Variants in CWF19L2 observed in about 807,000 individuals in gnomAD.
CWF19L2 encodes CWF19-like protein 2.
Under a neutral mutation model 111.7 loss-of-function variants are expected in CWF19L2, and 98 were observed. That is an observed-to-expected ratio of 0.88 (90% CI 0.75 to 1.04). The LOEUF (loss-of-function observed/expected upper bound fraction) is 1.04. CWF19L2 is among the 50% of genes least tolerant of loss of function. The pLI is 0.00. For missense variants in CWF19L2, 1,101 were observed against 1,051.4 expected, an observed-to-expected ratio of 1.05 and a Z score of -0.65; for synonymous variants, 351 against 342.9, an observed-to-expected ratio of 1.02 and a Z score of -0.26.
rs745441606 is a variant in CWF19L2 at position 107,429,349 on chromosome 11, T to C, written c.883A>G (p.Lys295Glu). 2 of 1,603,838 alleles carry C rather than the reference T, an allele frequency of 1.2e-6. No homozygotes were observed. The highest frequency in any genetic ancestry group is 1.1e-5 in the South Asian group (1 of 90,146). The change falls in exon 8 of 18, where the codon AAA becomes GAA. Residue 295 changes from lysine (K) to glutamate (E), a missense_variant. Physicochemically the swap from Lys to Glu is moderately conservative, Grantham distance 56. Transcript: ENST00000282251. ...ERWRKPTYSD[K>E]AQNCQESRES... is the part of the protein sequence containing the mutation. The stretch of plus-strand genomic sequence containing the variant: ...CTACTTTCTTGACAATTTTGTGCTT[T>C]ATCTGAATATGTGGGTTTCCTCCAC...
chr11:107,398,150 C>T (rs577847060), intron 10 of CWF19L2, among the ~76,000 whole-genome samples: 2 of 152,060 alleles, frequency 1.3e-5, no homozygotes, highest in African/African-American at 2.4e-5. Flanking sequence ...CACACTAGTT[C>T]GCCAGCAATG....
intron 14 of CWF19L2, 143 bp downstream of exon 14, chr11:107,348,794 A>T: frequency 2.1e-6 from 1 of 480,040 alleles, no homozygotes; most frequent in Admixed American, 3.7e-5. Flanking sequence ...TGATCCACAG[A>T]TATATACAAC....
intron 14 of CWF19L2, among the ~76,000 whole-genome samples, chr11:107,340,802 T>G (rs1297962504): frequency 6.6e-6 from 1 of 152,210 alleles, no homozygotes; most frequent in Non-Finnish European, 1.5e-5. Context: ...ATGTTGACTC[T>G]CCTAATCCAT....
intron 10 of CWF19L2, among the ~76,000 whole-genome samples, chr11:107,409,772 T>C (rs1355048642): frequency 6.6e-6 from 1 of 152,134 alleles, no homozygotes; most frequent in Non-Finnish European, 1.5e-5. Context: ...ATAAAGAAGC[T>C]GTACTTGTGT....
At chr11:107,398,693 A>G (rs1018712176) in intron 10 of CWF19L2, among the ~76,000 whole-genome samples, 5 of 152,230 alleles carry the variant, frequency 3.3e-5, no homozygotes, top group Admixed American at 1.3e-4. Flanking sequence ...ATACCTGGGA[A>G]ATTCATCACA....
chr11:107,350,489 T>C (rs948394079), intron 13 of CWF19L2, among the ~76,000 whole-genome samples: 2 of 152,102 alleles, frequency 1.3e-5, no homozygotes, highest in African/African-American at 2.4e-5. Context: ...ACTTCCACCA[T>C]GTAACGACAC....
rs923247095 is a variant in CWF19L2, at chr11:107,389,301, C to T, written c.1872+773G>A. On this transcript the variant is annotated intron_variant, in intron 12 of 17. Transcript: ENST00000282251. Reference sequence around the variant, plus strand: ...AATATTTGCAGCTTTATGGACTATCCACTCTCTGTCACAACTACTCAATTC... The same window carrying T: ...AATATTTGCAGCTTTATGGACTATCTACTCTCTGTCACAACTACTCAATTC... 1.1e-4 allele frequency among the ~76,000 whole-genome samples: 16 copies of T among 152,246 alleles called. No individual in the cohort carries two copies. In the East Asian group the frequency reaches 2.7e-3, roughly 26 times the overall value.
chr11:107,390,487 C>T (rs1469529417), intron 11 of CWF19L2, among the ~76,000 whole-genome samples: 1 of 152,206 alleles, frequency 6.6e-6, no homozygotes, highest in African/African-American at 2.4e-5. Flanking sequence ...AACTGCTCTA[C>T]CCCTTCTTCT....
intron 15 of CWF19L2, among the ~76,000 whole-genome samples, chr11:107,335,878 A>C: frequency 6.6e-6 from 1 of 152,182 alleles, no homozygotes; most frequent in East Asian, 1.9e-4. Flanking sequence ...TTGGCTTGAC[A>C]CTGTAATATA....
intron 10 of CWF19L2, among the ~76,000 whole-genome samples, 189 bp downstream of exon 10, chr11:107,416,020 G>T (rs780558959): frequency 6.6e-6 from 1 of 151,958 alleles, no homozygotes. Context: ...TTGCTTGAAC[G>T]TGGGAGGCAG....
Position 107,455,716 on chromosome 11 carries a change from C to G in CWF19L2, c.166G>C (p.Asp56His). 1 of 1,551,296 alleles carries G rather than the reference C, an allele frequency of 6.4e-7. No homozygotes were observed. The highest frequency in any genetic ancestry group is 1.2e-5 in the South Asian group (1 of 84,038). ...TTCACATCAGGTAGCATCCATGTAT[C>G]CTCACCCCGAAGTCGCTTAAGTTCT... ...RKELKRLRGE[D>H]TWMLPDVNER... Residue 56 changes from aspartate (D) to histidine (H), a missense_variant, in exon 2 of 18, where the codon GAT (aspartate) becomes CAT (histidine). Transcript: ENST00000282251.
At chr11:107,340,426 C>T (rs1859989382) in intron 14 of CWF19L2, among the ~76,000 whole-genome samples, 1 of 152,186 alleles carries the variant, frequency 6.6e-6, no homozygotes, top group Non-Finnish European at 1.5e-5. Flanking sequence ...AAGGCTATCC[C>T]TTTTACACTG....
intron 2 of CWF19L2, among the ~76,000 whole-genome samples, chr11:107,455,338 G>A (rs1316433757): frequency 1.3e-5 from 2 of 151,594 alleles, no homozygotes; most frequent in Non-Finnish European, 2.9e-5. Flanking sequence ...AGGAAAACAG[G>A]CTTGAGACCT....
At chr11:107,416,336 T>C in intron 9 of CWF19L2, 38 bp from the exon 10 acceptor site, 2 of 919,120 alleles carry the variant, frequency 2.2e-6, no homozygotes, top group Non-Finnish European at 3.2e-6. Flanking sequence ...GTGCGATATG[T>C]AGTTTAATTC....
At chr11:107,382,063 G>C (rs1054105510) in intron 12 of CWF19L2, among the ~76,000 whole-genome samples, 3 of 152,056 alleles carry the variant, frequency 2.0e-5, no homozygotes, top group Admixed American at 2.0e-4. Flanking sequence ...AATTAATGAG[G>C]AAAGATGTAT....
In CWF19L2 at chr11:107,416,208, C is replaced by G. The variant is rs1354908203; in HGVS notation, c.1617+1G>C. On this transcript the variant is annotated splice_donor_variant, in intron 10 of 17. Coordinates refer to ENST00000282251, the MANE Select transcript of CWF19L2 (RefSeq NM_152434.3). LOFTEE classifies it high-confidence loss of function. ...ACATTCTCCAAACTTTTATTACTTA[C>G]CTCTACCCCAGATTTTTTTGGTATC... 3.8e-6 allele frequency: 5 copies of G among 1,331,180 alleles called. No homozygotes were observed. The allele number at this position is 1,331,180 out of a possible 1,614,324, so 82.5% of individuals were successfully genotyped here. A position where few individuals can be genotyped will look rare whatever the true frequency, so the allele number is the denominator to read the frequency against.
At chr11:107,360,485 G>A (rs1860310349) in intron 12 of CWF19L2, among the ~76,000 whole-genome samples, 1 of 152,214 alleles carries the variant, frequency 6.6e-6, no homozygotes, top group Non-Finnish European at 1.5e-5. Flanking sequence ...ATTTCCCTTT[G>A]AGTAGATAGA....
chr11:107,346,952 C>A (rs760879050), intron 14 of CWF19L2, among the ~76,000 whole-genome samples: 24 of 152,146 alleles, frequency 1.6e-4, no homozygotes, highest in Non-Finnish European at 2.8e-4. Context: ...GAAATGGCCC[C>A]ACATATCACT....
intron 15 of CWF19L2, among the ~76,000 whole-genome samples, chr11:107,335,383 G>A (rs1399432439): frequency 6.6e-6 from 1 of 151,966 alleles, no homozygotes; most frequent in Non-Finnish European, 1.5e-5. Context: ...CCAAGGTCTT[G>A]AACTATTTCT....
Sources: allele counts gnomAD v4.1 joint callset (sites outside exome capture counted in the v4.1 genomes callset), GRCh38; gene constraint gnomAD v4.1.1; transcripts MANE v1.5; gene names NCBI Gene and HGNC (gene_info 2026-07-23, HGNC 2026-07-21).